Variants in PKIG observed in about 807,000 individuals in gnomAD.
PKIG encodes cAMP-dependent protein kinase inhibitor gamma, also known as protein kinase (cAMP-dependent, catalytic) inhibitor gamma.
A neutral mutation model predicts 6.8 loss-of-function variants in PKIG; 1 was observed. The observed-to-expected ratio is 0.15, with a 90% CI of 0.05 to 0.69. The LOEUF (loss-of-function observed/expected upper bound fraction) is 0.69, where lower values mean the gene tolerates loss of function less well. Among genes scored for constraint, PKIG ranks in the 30% least tolerant of loss-of-function variants. The pLI is 0.82. For missense variants in PKIG, 77 were observed against 104.0 expected, an observed-to-expected ratio of 0.74 and a Z score of 1.13; for synonymous variants, 39 against 43.0, an observed-to-expected ratio of 0.91 and a Z score of 0.36.
intron 2 of PKIG, among the ~76,000 whole-genome samples, chr20:44,593,354 TATA>T (rs1204956162): frequency 1.6e-5 from 2 of 128,720 alleles, no homozygotes; most frequent in African/African-American, 3.1e-5. Flanking sequence ...ATTATAATGC[TATA>T]ATAATCAACA....
chr20:44,569,267 C>G (rs1304532099), intron 1 of PKIG, among the ~76,000 whole-genome samples: 2 of 152,160 alleles, frequency 1.3e-5, no homozygotes, highest in African/African-American at 4.8e-5. Flanking sequence ...TCCAGTCAAG[C>G]TAAGACTAAA....
intron 2 of PKIG, among the ~76,000 whole-genome samples, chr20:44,593,331 C>CT (rs2123395881): frequency 6.8e-6 from 1 of 146,982 alleles, no homozygotes; most frequent in East Asian, 2.0e-4. Flanking sequence ...GAGATTATGT[C>CT]TCAAAAAAAA....
intron 2 of PKIG, among the ~76,000 whole-genome samples, chr20:44,611,779 A>G (rs2065221644): frequency 6.6e-6 from 1 of 151,982 alleles, no homozygotes; most frequent in South Asian, 2.1e-4. Flanking sequence ...TCGGCCTCCC[A>G]AAGTACTGGG....
chr20:44,611,355 A>G (rs1254433420), intron 2 of PKIG, among the ~76,000 whole-genome samples: 2 of 151,872 alleles, frequency 1.3e-5, no homozygotes, highest in Non-Finnish European at 2.9e-5. Flanking sequence ...CACCCGGCCT[A>G]GAATGCCTTA....
chr20:44,572,704 C>T (rs1217229093), intron 1 of PKIG, among the ~76,000 whole-genome samples: 1 of 152,138 alleles, frequency 6.6e-6, no homozygotes, highest in East Asian at 1.9e-4. Context: ...ACAGCCTCTT[C>T]TCCCTAACTG....
chr20:44,582,764 A>G (rs2064959092), intron 1 of PKIG, 33 bp downstream of exon 1: 1 of 152,312 alleles, frequency 6.6e-6, no homozygotes, highest in Non-Finnish European at 1.5e-5. Flanking sequence ...CCCCTGCCCA[A>G]CACCCCCAGG....
In PKIG at chr20:44,618,330, A is replaced by G. The variant is rs1431855261; in HGVS notation, c.197A>G (p.Gln66Arg). 1 of 1,613,686 alleles carries G rather than the reference A, an allele frequency of 6.2e-7. No homozygotes were observed. Among genetic ancestry groups the G allele is most frequent in the Admixed American group, 1.7e-5 (1 of 60,032 alleles). ...GSAPDKEAGN[Q>R]PQSSDGTTSS ...GCCCCAGACAAGGAAGCTGGCAACC[A>G]GCCCCAGAGCAGCGATGGGACCACC... is the stretch of plus-strand genomic sequence containing the variant. The change falls in exon 4 of 4, where the codon CAG becomes CGG. Residue 66 changes from glutamine to arginine, a missense_variant. Physicochemically the swap from Gln to Arg is conservative, Grantham distance 43. Coordinates refer to ENST00000372886, the MANE Select transcript of PKIG (RefSeq NM_001281445.2).
intron 1 of PKIG, chr20:44,564,173 C>T (rs1030146429): frequency 2.0e-5 from 3 of 152,256 alleles, no homozygotes; most frequent in Admixed American, 6.5e-5. Flanking sequence ...TTATTAACCT[C>T]GCTTTTCTCA....
chr20:44,558,143 T>C (rs145936450), intron 1 of PKIG, among the ~76,000 whole-genome samples: 11 of 152,358 alleles, frequency 7.2e-5, no homozygotes, highest in African/African-American at 2.6e-4. Flanking sequence ...GTATGCTATT[T>C]AGATATACTT....
Position 44,618,543 on chromosome 20 carries a change from A to G in PKIG, c.*179A>G, listed in dbSNP as rs898355803. ...CACTCCGGGAAAGCCCTCTGCCCACACCCACAGGCTTCACATTCCCACCAC... is the reference window on the plus strand; with the variant it reads ...CACTCCGGGAAAGCCCTCTGCCCACGCCCACAGGCTTCACATTCCCACCAC... On this transcript the variant is annotated 3_prime_UTR_variant, in exon 4 of 4. Coordinates refer to ENST00000372886, the MANE Select transcript of PKIG (RefSeq NM_001281445.2). The G allele has an allele frequency of 8.8e-6, 5 of 569,828 alleles. No homozygotes were observed. Among genetic ancestry groups the G allele is most frequent in the African/African-American group, 7.6e-5 (4 of 52,942 alleles). The allele number at this position is 569,828 out of a possible 1,614,324, so 35.3% of individuals were successfully genotyped here. A position where few individuals can be genotyped will look rare whatever the true frequency, so the allele number is the denominator to read the frequency against.
chr20:44,583,628 G>T (rs1185552004), intron 1 of PKIG, among the ~76,000 whole-genome samples: 1 of 152,136 alleles, frequency 6.6e-6, no homozygotes, highest in Non-Finnish European at 1.5e-5. Context: ...TCAACAAAAA[G>T]CTACCATATA....
upstream of PKIG, among the ~76,000 whole-genome samples, chr20:44,577,933 G>A (rs1395984638): frequency 6.6e-6 from 1 of 152,168 alleles, no homozygotes; most frequent in African/African-American, 2.4e-5. Context: ...CCTGGTGGGA[G>A]GTGTGTGGGT....
At chr20:44,570,413 C>T (rs2064844516) in intron 1 of PKIG, among the ~76,000 whole-genome samples, 1 of 152,138 alleles carries the variant, frequency 6.6e-6, no homozygotes. Context: ...AAAGTGTGCA[C>T]ATTTAAACTA....
chr20:44,614,511 C>T lies in PKIG; in HGVS notation c.-23-23C>T, dbSNP rs758071900. ...AGAATGCATCTGGACTTACCTCTGCCCCCTTGCCTTCTGTCCCCACAGGCC... is the reference window on the plus strand; with the variant it reads ...AGAATGCATCTGGACTTACCTCTGCTCCCTTGCCTTCTGTCCCCACAGGCC... On this transcript the variant is annotated intron_variant, in intron 2 of 3. Coordinates refer to ENST00000372886, the MANE Select transcript of PKIG (RefSeq NM_001281445.2). This position sits in a 1 kb window ranked among gnomAD's most constrained non-coding sequence, Gnocchi z 4.6. The T allele has an allele frequency of 3.8e-6, 6 of 1,593,368 alleles. No individual in the cohort carries two copies. The highest frequency in any genetic ancestry group is 4.5e-5 in the East Asian group (2 of 44,740).
chr20:44,566,643 C>T (rs1414271779), intron 1 of PKIG, among the ~76,000 whole-genome samples: 9 of 152,052 alleles, frequency 5.9e-5, no homozygotes, highest in South Asian at 2.1e-4. Flanking sequence ...GCCAGGGGTT[C>T]GAGACCAGCC....
At chr20:44,588,991 C>G (rs1452267754) in intron 1 of PKIG, among the ~76,000 whole-genome samples, 1 of 152,192 alleles carries the variant, frequency 6.6e-6, no homozygotes, top group East Asian at 1.9e-4. Context: ...CATTTCTTTT[C>G]TCACAATTTC....
intron 1 of PKIG, among the ~76,000 whole-genome samples, chr20:44,586,995 A>G (rs903533390): frequency 2.0e-5 from 3 of 152,226 alleles, no homozygotes; most frequent in Non-Finnish European, 4.4e-5. Context: ...GCACCGAAGA[A>G]AGTATTTGGT....
intron 1 of PKIG, among the ~76,000 whole-genome samples, chr20:44,566,739 G>A (rs781066350): frequency 1.3e-5 from 2 of 152,148 alleles, no homozygotes; most frequent in Non-Finnish European, 2.9e-5. Context: ...CCAGCTACTC[G>A]GGAGGCTTTG....
At chr20:44,592,240 G>A (rs560957716) in intron 2 of PKIG, among the ~76,000 whole-genome samples, 2 of 151,704 alleles carry the variant, frequency 1.3e-5, no homozygotes, top group East Asian at 3.9e-4. Flanking sequence ...TGGGAAGAAG[G>A]AGAAGGGCCG....
Sources: gnomAD v4.1 joint callset for allele counts (sites outside exome capture counted in the v4.1 genomes callset) on GRCh38, gnomAD v4.1.1 for gene constraint, Gnocchi (gnomAD v3.1) non-coding constraint, MANE v1.5 for transcripts, NCBI Gene and HGNC (gene_info 2026-07-23, HGNC 2026-07-21) for gene names.